Variants in GRIK1 observed in about 807,000 individuals in gnomAD.
GRIK1 encodes the protein glutamate ionotropic receptor kainate type subunit 1.
Under a neutral mutation model 105.7 loss-of-function variants are expected in GRIK1, and 69 were observed. The observed-to-expected ratio is 0.65, with a 90% CI of 0.54 to 0.80. The LOEUF is 0.80. GRIK1 is among the 30% of genes least tolerant of loss of function. GRIK1 has a pLI of 0.00. For synonymous variants in GRIK1, 438 were observed against 431.3 expected (o/e 1.02, Z -0.19); for missense variants, 1,109 against 1,167.3 (o/e 0.95, Z 0.73).
intron 4 of GRIK1, among the ~76,000 whole-genome samples, chr21:29,659,501 C>G (rs573007123): frequency 6.6e-6 from 1 of 152,166 alleles, no homozygotes; most frequent in Non-Finnish European, 1.5e-5. Context: ...TAACATAATC[C>G]TTAAATCAGC....
At chr21:29,892,912 G>A (rs905311265) in intron 1 of GRIK1, among the ~76,000 whole-genome samples, 4 of 152,202 alleles carry the variant, frequency 2.6e-5, no homozygotes, top group African/African-American at 9.6e-5. Context: ...AGTGGCTTAT[G>A]CCTGTAATCC....
chr21:29,621,244 G>T (rs2061994774), intron 7 of GRIK1, among the ~76,000 whole-genome samples: 1 of 152,114 alleles, frequency 6.6e-6, no homozygotes, highest in Non-Finnish European at 1.5e-5. Context: ...ATAAATCTTT[G>T]CTCATACACC....
At position 29,932,941 on chromosome 21, in the gene GRIK1, A is replaced by C. The variant is rs563843440; in HGVS notation, c.118+6442T>G. Among the ~76,000 whole-genome samples, 114 of 151,924 alleles carry C rather than the reference A, an allele frequency of 7.5e-4. 1 individual carries two copies. Among genetic ancestry groups the C allele is most frequent in the African/African-American group, 2.6e-3 (107 of 41,530 alleles). On this transcript the variant is annotated intron_variant, in intron 1 of 17. Transcript: ENST00000327783. ...GTGTAAAAAAAAAAACGAGAAAAAG[A>C]AAAGTAAAATGGCTCCAGATCAAAT...
intron 1 of GRIK1, among the ~76,000 whole-genome samples, chr21:29,844,695 T>C (rs552183856): frequency 6.6e-6 from 1 of 152,348 alleles, no homozygotes; most frequent in East Asian, 1.9e-4. Context: ...CCCTCACATA[T>C]ATTCTCACTT....
chr21:29,631,738 A>G (rs1303482447), intron 7 of GRIK1, among the ~76,000 whole-genome samples: 1 of 152,256 alleles, frequency 6.6e-6, no homozygotes, highest in African/African-American at 2.4e-5. Flanking sequence ...TATTGATGAC[A>G]TTATGAAATG....
At chr21:29,580,067 GTATA>G (rs1157577537) in intron 13 of GRIK1, among the ~76,000 whole-genome samples, 1 of 142,462 alleles carries the variant, frequency 7.0e-6, no homozygotes, top group African/African-American at 2.6e-5. Flanking sequence ...ATATATATGT[GTATA>G]TATATGTATA....
In GRIK1 at chr21:29,939,213, CAGTG is replaced by C. The variant is rs535672703; in HGVS notation, c.118+166_118+169del. On this transcript the variant is annotated intron_variant, in intron 1 of 17. Coordinates refer to ENST00000327783, the MANE Select transcript of GRIK1 (RefSeq NM_001330994.2). ...AGGCCGGCACCCTCCAGGAGGGAAG[CAGTG>C]ACGCGGCTCCCCCTTTTTTGTGTAG... Among the ~76,000 whole-genome samples the C allele has an allele frequency of 1.8e-4, 28 of 152,306 alleles. No individual in the cohort carries two copies. In the East Asian group the frequency reaches 5.2e-3, roughly 28 times the overall value.
intron 1 of GRIK1, among the ~76,000 whole-genome samples, chr21:29,709,593 A>G (rs906070874): frequency 2.6e-5 from 4 of 151,904 alleles, no homozygotes; most frequent in Non-Finnish European, 5.9e-5. Flanking sequence ...ATGGGGAAAT[A>G]TTTTTTTAAA....
intron 7 of GRIK1, among the ~76,000 whole-genome samples, chr21:29,640,796 G>A (rs2062494734): frequency 1.3e-5 from 2 of 152,166 alleles, no homozygotes; most frequent in South Asian, 4.1e-4. Flanking sequence ...TAATCAGGAT[G>A]GCGATTCAGG....
rs112669361 is a variant in GRIK1, at chr21:29,553,532, C to CTT, written c.2607+1518_2607+1519dup. On this transcript the variant is annotated intron_variant, in intron 16 of 17. Transcript: ENST00000327783. Reference sequence around the variant, plus strand: ...CAAAAACATTTTCTACTGGGCACATCTTTTTTTTTTTTTTTAAACTGATTA... The same window carrying CTT: ...CAAAAACATTTTCTACTGGGCACATCTTTTTTTTTTTTTTTTTAAACTGATTA... The CTT allele has an allele frequency of 1.1e-3, 1,442 of 1,316,956 alleles. 1 individual carries two copies. Among genetic ancestry groups the CTT allele is most frequent in the African/African-American group, 5.7e-3 (377 of 65,620 alleles). 81.6% of individuals were successfully genotyped at this position (1,316,956 alleles called of 1,614,324 possible).
intron 1 of GRIK1, among the ~76,000 whole-genome samples, chr21:29,698,510 G>C (rs895674824): frequency 1.3e-5 from 2 of 152,216 alleles, no homozygotes; most frequent in Non-Finnish European, 2.9e-5. Flanking sequence ...GAACACAGGA[G>C]GGTGAGAAAC....
chr21:29,831,555 A>T (rs926507204), intron 1 of GRIK1, among the ~76,000 whole-genome samples: 1 of 152,152 alleles, frequency 6.6e-6, no homozygotes, highest in South Asian at 2.1e-4. Context: ...GGGAAGCAGG[A>T]ACATCTTACA....
chr21:29,723,338 CTG>C (rs1474033243), intron 1 of GRIK1, among the ~76,000 whole-genome samples: 1 of 152,228 alleles, frequency 6.6e-6, no homozygotes, highest in Non-Finnish European at 1.5e-5. Flanking sequence ...TGAATCTTAA[CTG>C]TTATAATTAT....
At chr21:29,920,784 C>T (rs553126788) in intron 1 of GRIK1, among the ~76,000 whole-genome samples, 1 of 152,082 alleles carries the variant, frequency 6.6e-6, no homozygotes, top group South Asian at 2.1e-4. Context: ...TTTTGTGTTT[C>T]AGATGGACAT....
intron 5 of GRIK1, among the ~76,000 whole-genome samples, chr21:29,654,608 A>G (rs1475406104): frequency 6.8e-6 from 1 of 146,504 alleles, no homozygotes; most frequent in Non-Finnish European, 1.5e-5. Context: ...AGAAAAAGAA[A>G]GAAGGAAAGA....
intron 7 of GRIK1, among the ~76,000 whole-genome samples, chr21:29,634,475 G>A (rs2062352619): frequency 6.6e-6 from 1 of 152,200 alleles, no homozygotes. Flanking sequence ...TTGAGTATTA[G>A]TTTAGCAAAA....
intron 16 of GRIK1, among the ~76,000 whole-genome samples, chr21:29,543,265 A>C (rs1490732447): frequency 2.0e-5 from 3 of 152,170 alleles, no homozygotes; most frequent in African/African-American, 7.2e-5. Flanking sequence ...TTGAGGATAC[A>C]GTCAGGAAAG....
At chr21:29,585,736 T>C (rs528411693) in intron 12 of GRIK1, among the ~76,000 whole-genome samples, 1 of 152,344 alleles carries the variant, frequency 6.6e-6, no homozygotes, top group South Asian at 2.1e-4. Flanking sequence ...CTTAGGATAG[T>C]CATTTATTAA....
chr21:29,703,114 T>A (rs552006885), intron 1 of GRIK1, among the ~76,000 whole-genome samples: 39 of 152,254 alleles, frequency 2.6e-4, no homozygotes, highest in Non-Finnish European at 5.0e-4. Context: ...GGCACATAGT[T>A]GTACTGTACA....
Sources: allele counts gnomAD v4.1 joint callset (sites outside exome capture counted in the v4.1 genomes callset), GRCh38; gene constraint gnomAD v4.1.1; transcripts MANE v1.5; gene names NCBI Gene and HGNC (gene_info 2026-07-23, HGNC 2026-07-21).